The following CTNNA2 variants were observed in gnomAD, a reference collection of about 807,000 sequenced individuals.
CTNNA2 encodes catenin alpha 2, also known as catenin alpha-2.
In CTNNA2, 42 loss-of-function variants were observed where a neutral mutation model predicts 101.0. The ratio of observed to expected loss-of-function variants is 0.42; its 90% CI spans 0.32 to 0.54. CTNNA2 has a LOEUF of 0.54. Ranked by LOEUF, CTNNA2 falls within the 20% of genes least tolerant of loss-of-function variation. The pLI, the probability that CTNNA2 is intolerant of heterozygous loss-of-function variation, is 0.14. For synonymous variants in CTNNA2, 450 were observed against 456.4 expected (o/e 0.99, Z 0.18); for missense variants, 871 against 1,223.1 (o/e 0.71, Z 4.29).
chr2:80,497,411 C>A (rs1310576942), intron 9 of CTNNA2, among the ~76,000 whole-genome samples: 4 of 152,186 alleles, frequency 2.6e-5, no homozygotes, highest in Admixed American at 2.0e-4. Context: ...AGAGAATAGG[C>A]TTGAAGAAGT....
chr2:79,741,577 C>T (rs1171073671), intron 2 of CTNNA2, among the ~76,000 whole-genome samples: 1 of 152,060 alleles, frequency 6.6e-6, no homozygotes, highest in African/African-American at 2.4e-5. Context: ...AAACATTCTA[C>T]ATGGTATGTT....
chr2:80,122,700 G>A (rs973392176), intron 7 of CTNNA2, among the ~76,000 whole-genome samples: 2 of 152,150 alleles, frequency 1.3e-5, no homozygotes, highest in African/African-American at 4.8e-5. Context: ...AGATAATTAT[G>A]TAGTTATAGT....
intron 4 of CTNNA2, among the ~76,000 whole-genome samples, chr2:79,415,771 T>C (rs911494648): frequency 3.9e-5 from 6 of 151,994 alleles, no homozygotes; most frequent in African/African-American, 1.4e-4. Flanking sequence ...CAGTAGAGAA[T>C]CAAATATGAT....
intron 2 of CTNNA2, among the ~76,000 whole-genome samples, chr2:79,731,946 A>G (rs1687225628): frequency 6.6e-6 from 1 of 152,002 alleles, no homozygotes; most frequent in African/African-American, 2.4e-5. Flanking sequence ...CTAAAATGAC[A>G]TTAAAAAGAG....
chr2:79,283,113 C>T (rs78023791), intron 2 of CTNNA2, among the ~76,000 whole-genome samples: 46,296 of 64,924 alleles, frequency 0.71, 18,899 homozygotes, highest in African/African-American at 0.84. Context: ...TTGTTTGTTT[C>T]TATCTAGTAA....
intron 7 of CTNNA2, among the ~76,000 whole-genome samples, chr2:80,271,897 A>G (rs78418899): frequency 6.6e-6 from 1 of 152,224 alleles, no homozygotes; most frequent in Non-Finnish European, 1.5e-5. Context: ...AGAGGATTTC[A>G]TCTGGCCATT....
At chr2:80,335,082 G>C (rs547193630) in intron 7 of CTNNA2, among the ~76,000 whole-genome samples, 1 of 152,202 alleles carries the variant, frequency 6.6e-6, no homozygotes, top group African/African-American at 2.4e-5. Context: ...TGCATATAAG[G>C]TTCCATCTCA....
chr2:80,297,792 G>A (rs999585621), intron 7 of CTNNA2, among the ~76,000 whole-genome samples: 7 of 152,056 alleles, frequency 4.6e-5, no homozygotes, highest in South Asian at 4.1e-4. Context: ...CCTGCAAAGC[G>A]TCTACCTACT....
At chr2:80,493,466 A>T (rs1687214210) in intron 9 of CTNNA2, among the ~76,000 whole-genome samples, 2 of 152,106 alleles carry the variant, frequency 1.3e-5, no homozygotes. Flanking sequence ...AGACTCAATA[A>T]CACTTCCTGA....
intron 2 of CTNNA2, among the ~76,000 whole-genome samples, chr2:79,310,093 T>C (rs1676333079): frequency 6.6e-6 from 1 of 152,186 alleles, no homozygotes; most frequent in Admixed American, 6.5e-5. Context: ...ATGTATCCAA[T>C]AGCCTGTTTA....
intron 2 of CTNNA2, among the ~76,000 whole-genome samples, chr2:79,226,683 C>T (rs1674413792): frequency 6.6e-6 from 1 of 152,054 alleles, no homozygotes; most frequent in African/African-American, 2.4e-5. Context: ...GAATCTTTTA[C>T]CATGAAGTAA....
chr2:80,141,608 T>C (rs112976816), intron 7 of CTNNA2, among the ~76,000 whole-genome samples: 24 of 152,140 alleles, frequency 1.6e-4, no homozygotes, highest in African/African-American at 4.8e-4. Flanking sequence ...TAAACCACCA[T>C]GAAGGGCAAT....
intron 3 of CTNNA2, among the ~76,000 whole-genome samples, chr2:79,802,849 C>G (rs1676273656): frequency 6.6e-6 from 1 of 152,118 alleles, no homozygotes; most frequent in Non-Finnish European, 1.5e-5. Context: ...GCTTTATTAT[C>G]TTTTATTTCT....
At chr2:80,025,017 G>A (rs947443753) in intron 7 of CTNNA2, among the ~76,000 whole-genome samples, 9 of 152,132 alleles carry the variant, frequency 5.9e-5, no homozygotes, top group African/African-American at 1.9e-4. Context: ...CCTCGAGTTC[G>A]ACCATCCCCG....
At chr2:79,937,565 T>A (rs997186198) in intron 7 of CTNNA2, among the ~76,000 whole-genome samples, 1 of 152,302 alleles carries the variant, frequency 6.6e-6, no homozygotes, top group Admixed American at 6.5e-5. Context: ...GGTATATTAC[T>A]ATGCCTTCAA....
intron 7 of CTNNA2, among the ~76,000 whole-genome samples, chr2:80,136,416 A>C (rs1702699639): frequency 6.6e-6 from 1 of 152,200 alleles, no homozygotes; most frequent in African/African-American, 2.4e-5. Flanking sequence ...GCCAATGCTA[A>C]GTTTGTTGGC....
intron 2 of CTNNA2, among the ~76,000 whole-genome samples, chr2:79,668,744 T>A (rs1296888631): frequency 6.6e-6 from 1 of 152,196 alleles, no homozygotes; most frequent in East Asian, 1.9e-4. Context: ...ACCTGCTGTT[T>A]CAGAATGCAG....
intron 1 of CTNNA2, among the ~76,000 whole-genome samples, chr2:79,604,049 T>C (rs1677724621): frequency 6.6e-6 from 1 of 152,176 alleles, no homozygotes. Flanking sequence ...AAGATTCTTT[T>C]CCTAGTCAAA....
At chr2:79,595,849 T>C (rs776495614) in intron 1 of CTNNA2, among the ~76,000 whole-genome samples, 1 of 151,630 alleles carries the variant, frequency 6.6e-6, no homozygotes, top group Non-Finnish European at 1.5e-5. Flanking sequence ...ACTTTTTAGA[T>C]GGTTTCCAAC....
Sources: gnomAD v4.1 joint callset for allele counts (sites outside exome capture counted in the v4.1 genomes callset) on GRCh38, gnomAD v4.1.1 for gene constraint, MANE v1.5 for transcripts, NCBI Gene and HGNC (gene_info 2026-07-23, HGNC 2026-07-21) for gene names.